GALNT14: variants seen among roughly 807,000 people sequenced by gnomAD.
GALNT14 encodes the protein polypeptide N-acetylgalactosaminyltransferase 14, also known as UDP-GalNAc:polypeptide N-acetylgalactosaminyltransferase 14.
A neutral mutation model predicts 77.5 loss-of-function variants in GALNT14; 60 were observed. The observed-to-expected ratio is 0.77, with a 90% confidence interval of 0.63 to 0.96. The LOEUF (loss-of-function observed/expected upper bound fraction) is 0.96. GALNT14 is among the 40% of genes least tolerant of loss of function. GALNT14 has a pLI of 0.00. For synonymous variants in GALNT14, 280 were observed against 281.7 expected, an observed-to-expected ratio of 0.99 and a Z score of 0.06; for missense variants, 710 against 731.0, an observed-to-expected ratio of 0.97 and a Z score of 0.33.
intron 1 of GALNT14, among the ~76,000 whole-genome samples, chr2:31,035,450 C>T (rs761500912): frequency 6.6e-6 from 1 of 151,620 alleles, no homozygotes; most frequent in Non-Finnish European, 1.5e-5. Flanking sequence ...AACATTTATC[C>T]ATTTATCCCA....
At position 30,929,783 on chromosome 2, in the gene GALNT14, A is replaced by G. The variant is rs141154490; in HGVS notation, c.1059-296T>C. ...ATTTGGGGTTTTTTAAATTTGGAAT[A>G]TTTGCATATACATAATGAGATATCT... On this transcript the variant is annotated intron_variant, in intron 10 of 14. Coordinates refer to ENST00000349752, the MANE Select transcript of GALNT14 (RefSeq NM_024572.4). Among the ~76,000 whole-genome samples, 572 of 152,342 alleles carry G rather than the reference A, an allele frequency of 3.8e-3. 3 individuals carry two copies. Among genetic ancestry groups the G allele is most frequent in the Admixed American group, 6.1e-3 (93 of 15,310 alleles).
chr2:31,134,882 G>C (rs961037897), intron 1 of GALNT14, among the ~76,000 whole-genome samples: 1 of 152,210 alleles, frequency 6.6e-6, no homozygotes, highest in Non-Finnish European at 1.5e-5. Context: ...GGACAGCTTG[G>C]TTAGCTTGGG....
At chr2:30,958,021 A>G (rs756625075) in intron 4 of GALNT14, among the ~76,000 whole-genome samples, 4 of 152,186 alleles carry the variant, frequency 2.6e-5, no homozygotes, top group Non-Finnish European at 5.9e-5. Flanking sequence ...ACTGGAGGAC[A>G]CAAGGTAGGA....
At chr2:31,014,740 G>A (rs770120392) in intron 1 of GALNT14, among the ~76,000 whole-genome samples, 12 of 152,286 alleles carry the variant, frequency 7.9e-5, no homozygotes, top group Middle Eastern at 3.4e-3. Flanking sequence ...TAGAATAAGA[G>A]GGTAGGAGTC....
At chr2:30,951,290 A>C (rs996032554) in intron 6 of GALNT14, among the ~76,000 whole-genome samples, 3 of 152,224 alleles carry the variant, frequency 2.0e-5, no homozygotes, top group African/African-American at 7.2e-5. Flanking sequence ...TCCATACAAC[A>C]TGGATAAAGC....
At chr2:30,919,431 TCAA>T (rs1664896957) in intron 13 of GALNT14, among the ~76,000 whole-genome samples, 1 of 152,166 alleles carries the variant, frequency 6.6e-6, no homozygotes, top group Non-Finnish European at 1.5e-5. Flanking sequence ...CAGTCTCCTT[TCAA>T]CAACGAGGAC....
intron 2 of GALNT14, among the ~76,000 whole-genome samples, chr2:30,989,275 A>C (rs1669510380): frequency 6.6e-6 from 1 of 151,836 alleles, no homozygotes; most frequent in Non-Finnish European, 1.5e-5. Flanking sequence ...ACTCACTTCC[A>C]CTTCTCTGGC....
chr2:30,951,497 C>T (rs1215454248), intron 6 of GALNT14, among the ~76,000 whole-genome samples: 1 of 152,142 alleles, frequency 6.6e-6, no homozygotes, highest in African/African-American at 2.4e-5. Flanking sequence ...GTAATAAAAA[C>T]TTTTCCTTTT....
rs766858847 is a variant in GALNT14, at chr2:30,924,231, T to C, written c.1268A>G (p.Asn423Ser). The C allele has an allele frequency of 1.9e-6, 3 of 1,614,220 alleles. No individual in the cohort carries two copies. Among genetic ancestry groups the C allele is most frequent in the South Asian group, 2.2e-5 (2 of 91,084 alleles). ...CAGGCACTTCTGTCTCTGTCGGATATTGCCCTTCTGGATGGAGGACTCCTT... is the reference window on the plus strand; with the variant it reads ...CAGGCACTTCTGTCTCTGTCGGATACTGCCCTTCTGGATGGAGGACTCCTT... Reference protein sequence around the residue: ...IPKESSIQKGNIRQRQKCLES... With the variant: ...IPKESSIQKGSIRQRQKCLES... The change falls in exon 13 of 15, where the codon AAT becomes AGT. Residue 423 changes from asparagine to serine, a missense_variant. Physicochemically the swap from Asn to Ser is conservative, Grantham distance 46. Coordinates refer to ENST00000349752, the MANE Select transcript of GALNT14 (RefSeq NM_024572.4).
intron 1 of GALNT14, chr2:31,125,130 C>A (rs1678640146): frequency 6.6e-7 from 1 of 1,512,834 alleles, no homozygotes; most frequent in South Asian, 1.2e-5. Flanking sequence ...ACCTCACACT[C>A]CTGGGGACAC....
intron 1 of GALNT14, among the ~76,000 whole-genome samples, chr2:31,014,424 A>C (rs966916249): frequency 6.6e-6 from 1 of 152,094 alleles, no homozygotes; most frequent in Non-Finnish European, 1.5e-5. Context: ...CCCAGTTTCC[A>C]ACCACACAGA....
At chr2:30,990,812 C>G (rs1669651587) in intron 2 of GALNT14, among the ~76,000 whole-genome samples, 1 of 152,220 alleles carries the variant, frequency 6.6e-6, no homozygotes, top group Non-Finnish European at 1.5e-5. Flanking sequence ...GGGCAAGGCT[C>G]GTGCCCTGAG....
the GALNT14 span, among the ~76,000 whole-genome samples, chr2:30,902,469 T>A: frequency 6.6e-6 from 1 of 152,108 alleles, no homozygotes; most frequent in Non-Finnish European, 1.5e-5. Context: ...TGACTCTTCG[T>A]TATCACCCCA....
At chr2:31,007,516 T>C (rs760298977) in intron 1 of GALNT14, among the ~76,000 whole-genome samples, 1 of 152,192 alleles carries the variant, frequency 6.6e-6, no homozygotes, top group Middle Eastern at 3.2e-3. Flanking sequence ...TCCTGAACTG[T>C]TGGAAGGATG....
intron 1 of GALNT14, among the ~76,000 whole-genome samples, chr2:31,035,601 ACACACACACACACACCT>A: frequency 2.0e-5 from 1 of 49,412 alleles, no homozygotes; most frequent in East Asian, 1.1e-3. Flanking sequence ...ATATACATAT[ACACACACACACACACCT>A]ACACACACAC....
intron 1 of GALNT14, among the ~76,000 whole-genome samples, chr2:31,101,976 A>G (rs1380678391): frequency 6.6e-6 from 1 of 152,008 alleles, no homozygotes; most frequent in East Asian, 1.9e-4. Context: ...GAAGAAGGAC[A>G]TGTTTGCTTC....
At chr2:30,953,068 T>C (rs1667134536) in intron 6 of GALNT14, among the ~76,000 whole-genome samples, 1 of 152,246 alleles carries the variant, frequency 6.6e-6, no homozygotes, top group Non-Finnish European at 1.5e-5. Flanking sequence ...GACTCAGTTC[T>C]GATTCTGCAA....
chr2:30,958,254 A>T, intron 4 of GALNT14, 143 bp downstream of exon 4: 1 of 609,120 alleles, frequency 1.6e-6, no homozygotes, highest in Non-Finnish European at 2.9e-6. Flanking sequence ...GAGCCTAGCC[A>T]CGGACGCTCA....
chr2:31,066,205 A>T (rs1674944226), intron 1 of GALNT14, among the ~76,000 whole-genome samples: 1 of 152,146 alleles, frequency 6.6e-6, no homozygotes, highest in Admixed American at 6.5e-5. Flanking sequence ...CATGCTTTGC[A>T]TCGGCTCCTC....
Sources: gnomAD v4.1 joint callset for allele counts (sites outside exome capture counted in the v4.1 genomes callset) on GRCh38, gnomAD v4.1.1 for gene constraint, MANE v1.5 for transcripts, NCBI Gene and HGNC (gene_info 2026-07-23, HGNC 2026-07-21) for gene names.